The following GARRE1 variants were observed in gnomAD, a reference collection of about 807,000 sequenced individuals.
The protein encoded by GARRE1 is granule associated Rac and RHOG effector 1, also known as granule associated Rac and RHOG effector protein 1.
In GARRE1, 49 loss-of-function variants were observed where a neutral mutation model predicts 103.2. The observed-to-expected ratio is 0.47, with a 90% confidence interval of 0.38 to 0.60. GARRE1 has a LOEUF of 0.60. GARRE1 is among the 20% of genes least tolerant of loss of function. The probability of loss-of-function intolerance (pLI) is 0.00; values close to 1 mark genes in which losing one functional copy is unlikely to be tolerated. For synonymous variants in GARRE1, 505 were observed against 532.8 expected (o/e 0.95, Z 0.72); for missense variants, 1,199 against 1,370.5 (o/e 0.87, Z 1.98).
At chr19:34,328,530 A>T (rs990693544) in intron 6 of GARRE1, among the ~76,000 whole-genome samples, 1 of 120,542 alleles carries the variant, frequency 8.3e-6, no homozygotes, top group African/African-American at 3.9e-5. Flanking sequence ...TCTGTCTTAA[A>T]AAAAAAAAAA....
At chr19:34,298,240 A>G (rs1043792758) in intron 1 of GARRE1, among the ~76,000 whole-genome samples, 2 of 151,434 alleles carry the variant, frequency 1.3e-5, no homozygotes, top group African/African-American at 4.9e-5. Context: ...ACATGGCGAA[A>G]CCTCGTCTCT....
At chr19:34,267,109 T>C (rs2073757409) in intron 1 of GARRE1, among the ~76,000 whole-genome samples, 1 of 152,032 alleles carries the variant, frequency 6.6e-6, no homozygotes, top group Non-Finnish European at 1.5e-5. Flanking sequence ...TGCAGAAAAA[T>C]TTAAAAATTA....
At chr19:34,264,024 A>G (rs2073736121) in intron 1 of GARRE1, among the ~76,000 whole-genome samples, 2 of 152,122 alleles carry the variant, frequency 1.3e-5, no homozygotes. Flanking sequence ...TCCTTGGAAC[A>G]GTTCCCAGGA....
chr19:34,290,926 A>G (rs2073914289), intron 1 of GARRE1, among the ~76,000 whole-genome samples: 1 of 71,908 alleles, frequency 1.4e-5, no homozygotes, highest in Non-Finnish European at 2.4e-5. Flanking sequence ...TTTTTTTTTG[A>G]GACAGAGTCT....
At chr19:34,277,994 C>A (rs879404570) in intron 1 of GARRE1, among the ~76,000 whole-genome samples, 5 of 141,704 alleles carry the variant, frequency 3.5e-5, no homozygotes, top group Non-Finnish European at 7.5e-5. Context: ...TTCTTAATAT[C>A]ATTATTGACT....
intron 3 of GARRE1, among the ~76,000 whole-genome samples, chr19:34,323,919 A>G (rs998506639): frequency 2.6e-5 from 4 of 151,916 alleles, no homozygotes; most frequent in Non-Finnish European, 5.9e-5. Context: ...GCCACCCCCT[A>G]CTACACTGAG....
At chr19:34,352,388 A>G (rs2074242854) in intron 13 of GARRE1, among the ~76,000 whole-genome samples, 1 of 151,090 alleles carries the variant, frequency 6.6e-6, no homozygotes, top group Non-Finnish European at 1.5e-5. Flanking sequence ...GGCGAGAGAC[A>G]GACTGCATCT....
chr19:34,339,815 C>T, intron 8 of GARRE1, 52 bp from the exon 9 acceptor site: 1 of 1,610,180 alleles, frequency 6.2e-7, no homozygotes, highest in East Asian at 2.2e-5. Context: ...CTGCTTGAGA[C>T]ACCTTTGCAG....
At chr19:34,350,338 G>A (rs2074230489) in intron 12 of GARRE1, among the ~76,000 whole-genome samples, 1 of 152,264 alleles carries the variant, frequency 6.6e-6, no homozygotes, top group African/African-American at 2.4e-5. Context: ...AAGCCTGCAG[G>A]AGGAGCAAGT....
At chr19:34,307,338 G>C (rs1226161131) in intron 2 of GARRE1, among the ~76,000 whole-genome samples, 1 of 152,022 alleles carries the variant, frequency 6.6e-6, no homozygotes, top group Non-Finnish European at 1.5e-5. Flanking sequence ...GTTTTACGTT[G>C]GGTCCTCAGT....
chr19:34,312,689 G>A (rs1267509445), intron 2 of GARRE1, among the ~76,000 whole-genome samples: 1 of 152,208 alleles, frequency 6.6e-6, no homozygotes, highest in Non-Finnish European at 1.5e-5. Flanking sequence ...CACTTTGGGA[G>A]GCTGAGGTGG....
intron 2 of GARRE1, among the ~76,000 whole-genome samples, chr19:34,318,292 A>G (rs1269044426): frequency 6.6e-6 from 1 of 152,252 alleles, no homozygotes; most frequent in African/African-American, 2.4e-5. Flanking sequence ...CACAAGGCAG[A>G]GAGTCCACGT....
At chr19:34,278,906 C>G (rs937986820) in intron 1 of GARRE1, among the ~76,000 whole-genome samples, 2 of 152,012 alleles carry the variant, frequency 1.3e-5, no homozygotes, top group Non-Finnish European at 2.9e-5. Context: ...TGGCCTCAAG[C>G]GATCTTCCTA....
At chr19:34,284,427 C>T (rs1414574809) in intron 1 of GARRE1, among the ~76,000 whole-genome samples, 3 of 152,166 alleles carry the variant, frequency 2.0e-5, no homozygotes, top group Non-Finnish European at 4.4e-5. Context: ...GTCTGGCCTT[C>T]GTGTAGTTTC....
rs535516571 is a variant in GARRE1 at position 34,313,987 on chromosome 19, G to T, written c.496-5920G>T. 7.9e-5 allele frequency among the ~76,000 whole-genome samples: 12 copies of T among 152,110 alleles called. No individual in the cohort carries two copies. In the East Asian group the frequency reaches 2.1e-3, roughly 27 times the overall value. ...GGCTGATTTTTGTATTTTTTGTAGA[G>T]ACAGGGTTTCACCATGTTGACTAGG... On this transcript the variant is annotated intron_variant, in intron 2 of 13. Transcript: ENST00000299505.
At chr19:34,287,206 A>G (rs2073892618) in intron 1 of GARRE1, among the ~76,000 whole-genome samples, 1 of 151,908 alleles carries the variant, frequency 6.6e-6, no homozygotes, top group Non-Finnish European at 1.5e-5. Flanking sequence ...TTTGGATTGC[A>G]TCCCAGTAAT....
chr19:34,347,447 G>A (rs563240053), intron 10 of GARRE1, among the ~76,000 whole-genome samples: 1 of 152,044 alleles, frequency 6.6e-6, no homozygotes. Context: ...GGCTAGTCTC[G>A]AACTTCTGGG....
At chr19:34,284,737 A>T (rs912227902) in intron 1 of GARRE1, among the ~76,000 whole-genome samples, 1 of 152,192 alleles carries the variant, frequency 6.6e-6, no homozygotes, top group African/African-American at 2.4e-5. Context: ...TAAATGGTGA[A>T]TGTTTTCCCA....
rs1303105200 is a variant in GARRE1 at position 34,354,382 on chromosome 19, C to T, written c.*1427C>T. On this transcript the variant is annotated 3_prime_UTR_variant, in exon 14 of 14. Coordinates refer to ENST00000299505, the MANE Select transcript of GARRE1 (RefSeq NM_014686.5). ...TAAGTAAATTTATATATAAAAATAC[C>T]AAAAAGAGGCTGGGCGTGGTGGCTC... 3 of 151,792 alleles carry T rather than the reference C, an allele frequency of 2.0e-5. No individual in the cohort carries two copies. Among genetic ancestry groups the T allele is most frequent in the African/African-American group, 7.3e-5 (3 of 41,328 alleles). 9.4% of individuals were successfully genotyped at this position (151,792 alleles called of 1,614,324 possible). A position where few individuals can be genotyped will look rare whatever the true frequency, so the allele number is the denominator to read the frequency against.
Sources: allele counts gnomAD v4.1 joint callset (sites outside exome capture counted in the v4.1 genomes callset), GRCh38; gene constraint gnomAD v4.1.1; transcripts MANE v1.5; gene names NCBI Gene and HGNC (gene_info 2026-07-23, HGNC 2026-07-21).